Variants in SYT16 observed in about 807,000 individuals in gnomAD.
SYT16 encodes the protein synaptotagmin 16.
In SYT16, 42 loss-of-function variants were observed where a neutral mutation model predicts 61.4. That is an observed-to-expected ratio of 0.68 (90% confidence interval 0.53 to 0.89). The LOEUF (loss-of-function observed/expected upper bound fraction) is 0.89. Ranked by LOEUF, SYT16 falls within the 40% of genes least tolerant of loss-of-function variation. The pLI, the probability that SYT16 is intolerant of heterozygous loss-of-function variation, is 0.00. For synonymous variants in SYT16, 314 were observed against 302.3 expected (o/e 1.04, Z -0.40); for missense variants, 804 against 807.3 (o/e 1.00, Z 0.05).
rs143197468 is a variant in SYT16, at chr14:62,083,204, C to T, written c.1435-992C>T. On this transcript the variant is annotated intron_variant, in intron 6 of 7. Coordinates refer to ENST00000683842, the MANE Select transcript of SYT16 (RefSeq NM_001367656.1). ...GTGGTTTGGTAAACAGGATACTTTC[C>T]TGCAGATGGGCAGAATATTTGATTC... is the stretch of plus-strand genomic sequence containing the variant. Among the ~76,000 whole-genome samples the T allele has an allele frequency of 3.1e-3, 475 of 152,302 alleles. 9 individuals are homozygous for T. The highest frequency in any genetic ancestry group is 7.4e-3 in the Admixed American group (113 of 15,306).
chr14:61,833,901 C>T lies in SYT16; in HGVS notation c.-325+21091C>T, dbSNP rs564017191. Among the ~76,000 whole-genome samples the T allele has an allele frequency of 2.0e-5, 3 of 150,300 alleles. No individual in the cohort carries two copies. The South Asian group carries it at 6.3e-4, about 32-fold the overall frequency. On this transcript the variant is annotated intron_variant, in intron 1 of 7. Coordinates refer to ENST00000683842, the MANE Select transcript of SYT16 (RefSeq NM_001367656.1). ...TGGAGCTTCCAATCCTGTTCTTTTTCCCTGTGGAGTCCCATAGCCTCTAAG... is the reference window on the plus strand; with the variant it reads ...TGGAGCTTCCAATCCTGTTCTTTTTTCCTGTGGAGTCCCATAGCCTCTAAG...
At chr14:61,916,818 C>T (rs1161927812) in intron 1 of SYT16, among the ~76,000 whole-genome samples, 1 of 152,068 alleles carries the variant, frequency 6.6e-6, no homozygotes, top group Non-Finnish European at 1.5e-5. Flanking sequence ...TTTTGGCTCC[C>T]ACATATAAGT....
At chr14:61,999,252 G>A (rs567845209) in intron 3 of SYT16, among the ~76,000 whole-genome samples, 4 of 151,646 alleles carry the variant, frequency 2.6e-5, no homozygotes, top group Non-Finnish European at 4.4e-5. Flanking sequence ...TTCTGAGCCC[G>A]GGATTTTCTT....
chr14:61,845,137 T>A (rs1235694916), intron 1 of SYT16, among the ~76,000 whole-genome samples: 1 of 141,102 alleles, frequency 7.1e-6, no homozygotes, highest in East Asian at 2.3e-4. Context: ...AACCTCTACC[T>A]CCTGGGTTCA....
intron 2 of SYT16, among the ~76,000 whole-genome samples, chr14:61,987,112 CG>C (rs144035688): frequency 6.6e-6 from 1 of 151,902 alleles, no homozygotes; most frequent in African/African-American, 2.4e-5. Flanking sequence ...TGGATTATGG[CG>C]GGGGGAAAAC....
At chr14:61,839,793 C>T (rs796317226) in intron 1 of SYT16, among the ~76,000 whole-genome samples, 2 of 152,010 alleles carry the variant, frequency 1.3e-5, no homozygotes, top group African/African-American at 4.8e-5. Flanking sequence ...CATGCGCTTA[C>T]TTAGGGAAAT....
intron 3 of SYT16, among the ~76,000 whole-genome samples, chr14:62,050,626 A>G (rs1429490105): frequency 1.3e-5 from 2 of 152,042 alleles, no homozygotes; most frequent in Admixed American, 1.3e-4. Context: ...GTCTTTGATG[A>G]TGGTGACGTA....
At chr14:62,078,600 A>G (rs1440140514) in intron 5 of SYT16, among the ~76,000 whole-genome samples, 2 of 152,220 alleles carry the variant, frequency 1.3e-5, no homozygotes, top group East Asian at 3.8e-4. Context: ...GAAGTAAGGC[A>G]GGGAAGAAGG....
intron 1 of SYT16, among the ~76,000 whole-genome samples, chr14:61,959,447 C>T (rs2051024456): frequency 6.6e-6 from 1 of 151,916 alleles, no homozygotes; most frequent in South Asian, 2.1e-4. Context: ...ATGGAGTTTA[C>T]ATTGAACAGT....
At chr14:61,872,751 C>T (rs1449182217) in intron 1 of SYT16, among the ~76,000 whole-genome samples, 4 of 152,182 alleles carry the variant, frequency 2.6e-5, no homozygotes, top group Non-Finnish European at 2.9e-5. Flanking sequence ...GGAATACAGA[C>T]GTTGGTTCAG....
At chr14:62,059,544 G>T (rs1474571246) in intron 3 of SYT16, among the ~76,000 whole-genome samples, 2 of 151,412 alleles carry the variant, frequency 1.3e-5, no homozygotes. Flanking sequence ...ATTTTTTTCT[G>T]GTATGGTTAA....
At chr14:61,980,009 A>T (rs2052002198) in intron 2 of SYT16, among the ~76,000 whole-genome samples, 2 of 152,232 alleles carry the variant, frequency 1.3e-5, no homozygotes, top group Non-Finnish European at 2.9e-5. Context: ...TAGAAAACTG[A>T]TATCTTCTAC....
intron 4 of SYT16, among the ~76,000 whole-genome samples, 189 bp from the exon 5 acceptor site, chr14:62,074,946 A>G (rs1334761979): frequency 6.6e-6 from 1 of 152,164 alleles, no homozygotes; most frequent in Non-Finnish European, 1.5e-5. Flanking sequence ...ACATAATGAG[A>G]TAATGTTCTT....
At chr14:61,858,729 T>C (rs554827556) in intron 1 of SYT16, among the ~76,000 whole-genome samples, 36 of 152,220 alleles carry the variant, frequency 2.4e-4, no homozygotes, top group Non-Finnish European at 4.7e-4. Context: ...AGTTTTTCAA[T>C]AGAGTAGGCA....
chr14:62,067,294 TA>T (rs1429960362), intron 3 of SYT16, among the ~76,000 whole-genome samples: 9 of 152,114 alleles, frequency 5.9e-5, no homozygotes, highest in African/African-American at 1.7e-4. Flanking sequence ...ATGGAAGTTA[TA>T]GGGGAGAACA....
chr14:61,913,092 G>T (rs1374870433), intron 1 of SYT16, among the ~76,000 whole-genome samples: 1 of 152,034 alleles, frequency 6.6e-6, no homozygotes, highest in Non-Finnish European at 1.5e-5. Flanking sequence ...CTATCCTGTG[G>T]ACAGCTCAAA....
At chr14:61,919,974 A>G (rs2049268636) in intron 1 of SYT16, among the ~76,000 whole-genome samples, 1 of 152,076 alleles carries the variant, frequency 6.6e-6, no homozygotes, top group Non-Finnish European at 1.5e-5. Context: ...TGTTTTTCTT[A>G]TATCTCAGTT....
At chr14:61,876,375 G>A (rs2047494219) in intron 1 of SYT16, among the ~76,000 whole-genome samples, 2 of 152,194 alleles carry the variant, frequency 1.3e-5, no homozygotes, top group South Asian at 4.1e-4. Flanking sequence ...CACATTTAAT[G>A]AAACCCTGAC....
At chr14:61,833,750 G>T (rs990483186) in intron 1 of SYT16, among the ~76,000 whole-genome samples, 2 of 145,150 alleles carry the variant, frequency 1.4e-5, no homozygotes, top group African/African-American at 5.1e-5. Flanking sequence ...TAAACTCAAG[G>T]ACCAGGGCAC....
Sources: allele counts gnomAD v4.1 joint callset (sites outside exome capture counted in the v4.1 genomes callset), GRCh38; gene constraint gnomAD v4.1.1; transcripts MANE v1.5; gene names NCBI Gene and HGNC (gene_info 2026-07-23, HGNC 2026-07-21).